The following RIMBP2 variants were observed in gnomAD, a reference collection of about 807,000 sequenced individuals.
The protein encoded by RIMBP2 is RIMS binding protein 2, also known as RIMS-binding protein 2.
RIMBP2 carries 48 observed loss-of-function variants against 118.6 expected under a neutral mutation model. That is an observed-to-expected ratio of 0.40 (90% CI 0.32 to 0.51). RIMBP2 has a LOEUF of 0.51. Ranked by LOEUF, RIMBP2 falls within the 20% of genes least tolerant of loss-of-function variation. RIMBP2 has a pLI of 0.41. For synonymous variants in RIMBP2, 762 were observed against 742.9 expected, an observed-to-expected ratio of 1.03 and a Z score of -0.42; for missense variants, 1,551 against 1,768.3, an observed-to-expected ratio of 0.88 and a Z score of 2.20.
chr12:130,423,992 G>A (rs1050201455), intron 16 of RIMBP2, 150 bp downstream of exon 16: 4 of 418,900 alleles, frequency 9.5e-6, no homozygotes, highest in East Asian at 3.6e-5. Context: ...GAAGCAAATC[G>A]GACTTGAGAA....
At chr12:130,453,049 G>A (rs2079128986) in intron 7 of RIMBP2, among the ~76,000 whole-genome samples, 1 of 152,182 alleles carries the variant, frequency 6.6e-6, no homozygotes, top group Non-Finnish European at 1.5e-5. Context: ...TGATGGTAAT[G>A]CTTCAAAATA....
chr12:130,513,091 C>G (rs567355557), intron 3 of RIMBP2, among the ~76,000 whole-genome samples: 1 of 152,284 alleles, frequency 6.6e-6, no homozygotes, highest in East Asian at 1.9e-4. Context: ...TTTTGGGTTT[C>G]TGGCCAGCAG....
In RIMBP2 at chr12:130,414,085, C is replaced by G. The variant is rs775373341; in HGVS notation, c.3420+40G>C. 77 of 1,606,168 alleles carry G rather than the reference C, an allele frequency of 4.8e-5. 1 individual carries two copies. Among genetic ancestry groups the G allele is most frequent in the Admixed American group, 3.7e-4 (22 of 59,980 alleles). On this transcript the variant is annotated intron_variant, in intron 18 of 22. Transcript: ENST00000690449. ...CTGCCCCCATGACCCAGACCCGCCTCAGGGGCTGATGAAGCCGCCCGCAGG... is the reference window on the plus strand; with the variant it reads ...CTGCCCCCATGACCCAGACCCGCCTGAGGGGCTGATGAAGCCGCCCGCAGG...
intron 2 of RIMBP2, among the ~76,000 whole-genome samples, chr12:130,556,000 G>A (rs2056315587): frequency 6.6e-6 from 1 of 152,184 alleles, no homozygotes; most frequent in African/African-American, 2.4e-5. Context: ...GCAACCACAT[G>A]GCATGGCAGG....
chr12:130,646,359 C>CCACCTGCCTCAT (rs2062953635), intron 1 of RIMBP2, among the ~76,000 whole-genome samples: 1 of 111,354 alleles, frequency 9.0e-6, no homozygotes, highest in Non-Finnish European at 2.0e-5. Flanking sequence ...ACCTCCCTCA[C>CCACCTGCCTCAT]CACCTCCCTC....
At chr12:130,704,906 G>T (rs561342507) in intron 1 of RIMBP2, among the ~76,000 whole-genome samples, 1 of 152,150 alleles carries the variant, frequency 6.6e-6, no homozygotes, top group Non-Finnish European at 1.5e-5. Context: ...CTGTCTCCAC[G>T]ATGGTGGGGA....
At chr12:130,532,295 A>G (rs61934577) in intron 2 of RIMBP2, among the ~76,000 whole-genome samples, 5,763 of 20,986 alleles carry the variant, frequency 0.27, 98 homozygotes, top group African/African-American at 0.34. Flanking sequence ...TAGGAGGTAC[A>G]TCTAATGAGA....
chr12:130,535,427 T>C lies in RIMBP2; in HGVS notation c.-216-17510A>G, dbSNP rs527268994. ...TACCCAAGAGGCTGAGGCAGGAGGATCGCTTGAGCCCAGGAGGTCAAGGCT... is the reference window on the plus strand; with the variant it reads ...TACCCAAGAGGCTGAGGCAGGAGGACCGCTTGAGCCCAGGAGGTCAAGGCT... On this transcript the variant is annotated intron_variant, in intron 2 of 22. Transcript: ENST00000690449. Among the ~76,000 whole-genome samples the C allele has an allele frequency of 6.6e-5, 10 of 152,094 alleles. No homozygotes were observed. In the East Asian group the frequency reaches 1.9e-3, roughly 29 times the overall value.
At chr12:130,663,764 T>C (rs1459034849) in intron 1 of RIMBP2, among the ~76,000 whole-genome samples, 1 of 151,734 alleles carries the variant, frequency 6.6e-6, no homozygotes, top group Non-Finnish European at 1.5e-5. Context: ...TTCACTGGCT[T>C]CCTGACTGGC....
At chr12:130,574,430 T>C (rs2057932898) in intron 2 of RIMBP2, among the ~76,000 whole-genome samples, 1 of 152,156 alleles carries the variant, frequency 6.6e-6, no homozygotes, top group African/African-American at 2.4e-5. Context: ...CAAATTCTCA[T>C]CTCATTCTAT....
chr12:130,556,636 G>A (rs1376290725), intron 2 of RIMBP2, among the ~76,000 whole-genome samples: 2 of 152,226 alleles, frequency 1.3e-5, no homozygotes, highest in African/African-American at 4.8e-5. Flanking sequence ...GGGAGGTGCA[G>A]CTGCTGGAAA....
chr12:130,699,123 G>A (rs1230651940), intron 1 of RIMBP2, among the ~76,000 whole-genome samples: 3 of 152,184 alleles, frequency 2.0e-5, no homozygotes, highest in East Asian at 1.9e-4. Flanking sequence ...CTTTTACACT[G>A]TTGGTGGGAT....
intron 1 of RIMBP2, among the ~76,000 whole-genome samples, chr12:130,680,906 T>C (rs907938401): frequency 6.6e-6 from 1 of 152,188 alleles, no homozygotes. Flanking sequence ...AGATTAACTT[T>C]TGAAGTATGT....
intron 2 of RIMBP2, among the ~76,000 whole-genome samples, chr12:130,580,042 A>AAAG (rs2058358410): frequency 6.6e-6 from 1 of 150,632 alleles, no homozygotes; most frequent in African/African-American, 2.4e-5. Flanking sequence ...AAAAAAAAAA[A>AAAG]AAAAAATTAG....
intron 2 of RIMBP2, among the ~76,000 whole-genome samples, chr12:130,526,382 G>T (rs1423269055): frequency 2.0e-5 from 3 of 152,186 alleles, no homozygotes; most frequent in Non-Finnish European, 4.4e-5. Flanking sequence ...ATGAAAGCCA[G>T]ATGACTTCTA....
intron 2 of RIMBP2, among the ~76,000 whole-genome samples, chr12:130,600,157 C>T (rs2059785161): frequency 6.6e-6 from 1 of 152,158 alleles, no homozygotes; most frequent in Non-Finnish European, 1.5e-5. Flanking sequence ...CTACCTGTGC[C>T]CCGACCACCT....
intron 2 of RIMBP2, among the ~76,000 whole-genome samples, chr12:130,556,449 G>C (rs2056363578): frequency 6.6e-6 from 1 of 152,262 alleles, no homozygotes; most frequent in Non-Finnish European, 1.5e-5. Flanking sequence ...TCTGGAAACA[G>C]ATAGAACCTC....
At chr12:130,439,417 ATGGGTATATGTGTATG>A (rs1044067414) in intron 11 of RIMBP2, among the ~76,000 whole-genome samples, 1 of 142,474 alleles carries the variant, frequency 7.0e-6, no homozygotes, top group Non-Finnish European at 1.5e-5. Flanking sequence ...ATATGTGTAT[ATGGGTATATGTGTATG>A]TGGGTGTGTG....
At chr12:130,569,367 GCTC>G (rs1323103037) in intron 2 of RIMBP2, among the ~76,000 whole-genome samples, 2 of 152,146 alleles carry the variant, frequency 1.3e-5, no homozygotes, top group Non-Finnish European at 2.9e-5. Flanking sequence ...AGAATCCCAG[GCTC>G]CTTCTTCTCA....
Sources: allele counts gnomAD v4.1 joint callset (sites outside exome capture counted in the v4.1 genomes callset), GRCh38; gene constraint gnomAD v4.1.1; transcripts MANE v1.5; gene names NCBI Gene and HGNC (gene_info 2026-07-23, HGNC 2026-07-21).